The following PMF1 variants were observed in gnomAD, a reference collection of about 807,000 sequenced individuals.
PMF1 encodes polyamine-modulated factor 1.
A neutral mutation model predicts 26.7 loss-of-function variants in PMF1; 21 were observed. The ratio of observed to expected loss-of-function variants is 0.79; its 90% CI spans 0.56 to 1.13. The LOEUF (loss-of-function observed/expected upper bound fraction) is 1.13, where lower values mean the gene tolerates loss of function less well. Among genes scored for constraint, PMF1 ranks in the 50% most tolerant of loss-of-function variants. PMF1 has a pLI of 0.00. For synonymous variants in PMF1, 105 were observed against 101.0 expected, an observed-to-expected ratio of 1.04 and a Z score of -0.24; for missense variants, 266 against 254.9, an observed-to-expected ratio of 1.04 and a Z score of -0.30.
intron 1 of PMF1, among the ~76,000 whole-genome samples, chr1:156,228,985 T>C (rs1253550060): frequency 6.6e-6 from 1 of 152,058 alleles, no homozygotes; most frequent in Non-Finnish European, 1.5e-5. Context: ...CTCAGCTCAC[T>C]GCAACCTCCG....
At chr1:156,238,676 A>G (rs1659176731) in intron 4 of PMF1, among the ~76,000 whole-genome samples, 1 of 152,164 alleles carries the variant, frequency 6.6e-6, no homozygotes, top group African/African-American at 2.4e-5. Flanking sequence ...TGGCTCCTGG[A>G]TCTCCCTGGT....
rs559004343 is a variant in PMF1, at chr1:156,224,721, G to A, written c.162-7599G>A. Among the ~76,000 whole-genome samples, 9 of 151,376 alleles carry A rather than the reference G, an allele frequency of 5.9e-5. No homozygotes were observed. The South Asian group carries it at 8.4e-4, about 14-fold the overall frequency. ...GGAGCTTGTAGTGAGCCGAGATCGC[G>A]CCACTGCACTCCAGCCTGGGCGACA... On this transcript the variant is annotated intron_variant, in intron 1 of 4. Transcript: ENST00000368277.
At chr1:156,230,206 A>G (rs897650742) in intron 1 of PMF1, among the ~76,000 whole-genome samples, 28 of 152,228 alleles carry the variant, frequency 1.8e-4, no homozygotes, top group African/African-American at 6.5e-4. Context: ...GCCAAGGAGC[A>G]TCCTGACCTA....
At chr1:156,218,135 T>A (rs1657878895) in intron 1 of PMF1, among the ~76,000 whole-genome samples, 1 of 152,264 alleles carries the variant, frequency 6.6e-6, no homozygotes, top group Admixed American at 6.5e-5. Flanking sequence ...TGGGCATTTC[T>A]TCATGTACTT....
intron 1 of PMF1, among the ~76,000 whole-genome samples, chr1:156,231,240 AAAAG>A (rs1226944721): frequency 1.4e-4 from 21 of 149,156 alleles, no homozygotes; most frequent in Non-Finnish European, 2.7e-4. Context: ...AAAAAAAAAA[AAAAG>A]AATTAGCTGG....
intron 1 of PMF1, among the ~76,000 whole-genome samples, chr1:156,224,581 G>A (rs1442411751): frequency 1.3e-5 from 2 of 151,940 alleles, no homozygotes; most frequent in African/African-American, 2.4e-5. Context: ...CCGAGACCAC[G>A]GTGAAACCCC....
Position 156,233,713 on chromosome 1 carries a change from G to A in PMF1, c.353G>A (p.Arg118His), listed in dbSNP as rs141326392. Residue 118 changes from arginine (R) to histidine (H), a missense_variant, in exon 3 of 5, where the codon CGC becomes CAC. Physicochemically the swap from Arg to His is conservative, Grantham distance 29. Coordinates refer to ENST00000368277, the MANE Select transcript of PMF1 (RefSeq NM_007221.4). ...LDKIVEEGKV[R>H]KEPAWRPSGI... is the part of the protein sequence containing the mutation. ...AAAATTGTGGAAGAAGGCAAAGTCC[G>A]CAAAGAGCCAGCCTGGTGAGAGTGG... is the stretch of plus-strand genomic sequence containing the variant. 23 of 1,613,460 alleles carry A rather than the reference G, an allele frequency of 1.4e-5. No individual in the cohort carries two copies. Among genetic ancestry groups the A allele is most frequent in the East Asian group, 4.5e-5 (2 of 44,834 alleles).
intron 3 of PMF1, 95 bp from the exon 4 acceptor site, chr1:156,236,193 G>A (rs1658999588): frequency 1.3e-6 from 2 of 1,511,458 alleles, no homozygotes; most frequent in African/African-American, 2.8e-5. Flanking sequence ...TTGGGACAAG[G>A]TGGGCATGTC....
At chr1:156,226,683 G>A (rs1387624336) in intron 1 of PMF1, among the ~76,000 whole-genome samples, 1 of 152,238 alleles carries the variant, frequency 6.6e-6, no homozygotes, top group Non-Finnish European at 1.5e-5. Context: ...CAGTAATTTT[G>A]TGAGGCCTAG....
rs541066710 is a variant in PMF1 at position 156,229,476 on chromosome 1, A to G, written c.162-2844A>G. Among the ~76,000 whole-genome samples the G allele has an allele frequency of 6.6e-3, 1,006 of 152,018 alleles. 2 individuals are homozygous for G. Among genetic ancestry groups the G allele is most frequent in the Middle Eastern group, 0.017 (5 of 294 alleles). ...CCTTGATCCAGTATTTCCACCAGAC[A>G]GAGACAATATATACAAATTACCTCA... On this transcript the variant is annotated intron_variant, in intron 1 of 4. Coordinates refer to ENST00000368277, the MANE Select transcript of PMF1 (RefSeq NM_007221.4).
chr1:156,225,905 A>G (rs1325206546), intron 1 of PMF1, among the ~76,000 whole-genome samples: 1 of 150,052 alleles, frequency 6.7e-6, no homozygotes, highest in Non-Finnish European at 1.5e-5. Flanking sequence ...CCCAGGCTGG[A>G]GTGCAGTAGC....
rs572571036 is a variant in PMF1 at position 156,213,619 on chromosome 1, C to T, written c.161+443C>T. ...AGCCGGGACTACAGGCTCGTGCTCCCGCGCCCGGCTACAGATCAGGGTTTA... is the reference window on the plus strand; with the variant it reads ...AGCCGGGACTACAGGCTCGTGCTCCTGCGCCCGGCTACAGATCAGGGTTTA... On this transcript the variant is annotated intron_variant, in intron 1 of 4. Transcript: ENST00000368277. Among the ~76,000 whole-genome samples the T allele has an allele frequency of 4.6e-5, 7 of 152,212 alleles. No homozygotes were observed. The South Asian group carries it at 1.5e-3, about 32-fold the overall frequency.
intron 3 of PMF1, among the ~76,000 whole-genome samples, chr1:156,235,122 ATTT>A (rs35707231): frequency 1.4e-5 from 2 of 147,222 alleles, no homozygotes; most frequent in African/African-American, 2.5e-5. Flanking sequence ...CTGAAAAAGA[ATTT>A]TTTTTTTTTT....
chr1:156,217,729 A>G (rs1298168429), intron 1 of PMF1, among the ~76,000 whole-genome samples: 1 of 122,296 alleles, frequency 8.2e-6, no homozygotes, highest in Non-Finnish European at 1.7e-5. Context: ...CTCCAACTCA[A>G]AAAAAAAAAA....
At chr1:156,233,128 C>T (rs1658815031) in intron 2 of PMF1, among the ~76,000 whole-genome samples, 2 of 151,692 alleles carry the variant, frequency 1.3e-5, no homozygotes, top group African/African-American at 2.4e-5. Context: ...AACATTTTCC[C>T]CACTTTATAT....
chr1:156,218,993 T>C (rs560297189), intron 1 of PMF1, among the ~76,000 whole-genome samples: 1 of 151,762 alleles, frequency 6.6e-6, no homozygotes, highest in Non-Finnish European at 1.5e-5. Context: ...TGATCTTGGC[T>C]CACTGCAGCC....
At position 156,213,151 on chromosome 1, in the gene PMF1, C is replaced by A; in HGVS notation, c.136C>A (p.Leu46Ile). ...KLLDTMVDTF[L>I]QKLVAAGSYQ... ...CCTCGACACCATGGTGGACACTTTT[C>A]TTCAGAAGCTGGTCGCCGCCGGCAG... The change falls in exon 1 of 5, where the codon CTT becomes ATT. Residue 46 changes from leucine to isoleucine, a missense_variant. Transcript: ENST00000368277. The A allele has an allele frequency of 1.2e-6, 2 of 1,613,850 alleles. No individual in the cohort carries two copies. The highest frequency in any genetic ancestry group is 1.1e-5 in the South Asian group (1 of 91,080).
chr1:156,224,030 CT>C (rs1273381736), intron 1 of PMF1: 8 of 152,192 alleles, frequency 5.3e-5, no homozygotes. Flanking sequence ...TTTCTTCCAT[CT>C]TTCTCAGGAA....
chr1:156,218,906 TA>T (rs1484411966), intron 1 of PMF1, among the ~76,000 whole-genome samples: 3 of 152,004 alleles, frequency 2.0e-5, no homozygotes, highest in South Asian at 4.2e-4. Flanking sequence ...GGGTCTTGTT[TA>T]TTTTTTTATT....
Sources: gnomAD v4.1 joint callset for allele counts (sites outside exome capture counted in the v4.1 genomes callset) on GRCh38, gnomAD v4.1.1 for gene constraint, MANE v1.5 for transcripts, NCBI Gene and HGNC (gene_info 2026-07-23, HGNC 2026-07-21) for gene names.